ABTB3: variants seen among roughly 807,000 people sequenced by gnomAD.
ABTB3 encodes the protein ankyrin repeat- and BTB/POZ domain-containing protein 3.
the ABTB3 span, among the ~76,000 whole-genome samples, chr12:107,344,074 T>C: frequency 6.6e-6 from 1 of 152,162 alleles, no homozygotes; most frequent in Non-Finnish European, 1.5e-5. Context: ...ACACATGGAT[T>C]CCAGTCTCAA....
At chr12:107,482,992 CCT>C in the ABTB3 span, among the ~76,000 whole-genome samples, 1 of 75,570 alleles carries the variant, frequency 1.3e-5, no homozygotes, top group Admixed American at 1.3e-4. Context: ...TTCTTTCCTT[CCT>C]TCCTTCCTTC....
chr12:107,593,246 C>T, the ABTB3 span, among the ~76,000 whole-genome samples: 1 of 152,126 alleles, frequency 6.6e-6, no homozygotes, highest in African/African-American at 2.4e-5. Context: ...AGCTGCTTTC[C>T]CACTACAGTG....
At chr12:107,328,833 A>G in the ABTB3 span, among the ~76,000 whole-genome samples, 1 of 152,330 alleles carries the variant, frequency 6.6e-6, no homozygotes, top group East Asian at 1.9e-4. Context: ...AGAAGGACTC[A>G]AGTGCAGCCT....
At chr12:107,521,480 G>C in the ABTB3 span, among the ~76,000 whole-genome samples, 11 of 152,102 alleles carry the variant, frequency 7.2e-5, no homozygotes, top group African/African-American at 2.7e-4. Flanking sequence ...TTTCACAAGA[G>C]GGTTTGCCAA....
chr12:107,367,331 A>G, the ABTB3 span, among the ~76,000 whole-genome samples: 1 of 152,190 alleles, frequency 6.6e-6, no homozygotes. Flanking sequence ...AGAGTTTAAA[A>G]TGCATACTGA....
chr12:107,454,841 A>C, the ABTB3 span, among the ~76,000 whole-genome samples: 23 of 152,332 alleles, frequency 1.5e-4, no homozygotes, highest in South Asian at 4.3e-3. Flanking sequence ...TATATTATAG[A>C]AAATAATAAT....
the ABTB3 span, among the ~76,000 whole-genome samples, chr12:107,326,180 C>G: frequency 1.3e-5 from 2 of 152,216 alleles, no homozygotes; most frequent in Admixed American, 1.3e-4. Flanking sequence ...GCTGGGATTA[C>G]AGGCATGAGC....
the ABTB3 span, among the ~76,000 whole-genome samples, chr12:107,411,452 T>C: frequency 6.6e-6 from 1 of 152,256 alleles, no homozygotes; most frequent in Admixed American, 6.5e-5. Context: ...CTGAAATTTA[T>C]GTAAGGCACC....
chr12:107,649,344 C>T, the ABTB3 span: 2 of 1,402,226 alleles, frequency 1.4e-6, no homozygotes, highest in Non-Finnish European at 2.0e-6. Context: ...AAACTCGGGT[C>T]ACCAGCCTGC....
At chr12:107,636,581 G>T in the ABTB3 span, among the ~76,000 whole-genome samples, 1 of 152,192 alleles carries the variant, frequency 6.6e-6, no homozygotes, top group Non-Finnish European at 1.5e-5. Context: ...TGAATAACTT[G>T]TTAATTTAAA....
At chr12:107,373,169 T>C in the ABTB3 span, among the ~76,000 whole-genome samples, 1 of 152,282 alleles carries the variant, frequency 6.6e-6, no homozygotes, top group South Asian at 2.1e-4. Context: ...AACACAAATA[T>C]GTGTTGGAAG....
At chr12:107,644,522 G>A in the ABTB3 span, among the ~76,000 whole-genome samples, 1 of 152,146 alleles carries the variant, frequency 6.6e-6, no homozygotes, top group Admixed American at 6.5e-5. Flanking sequence ...CCTGGAGAAG[G>A]GTGGGGTGCT....
chr12:107,500,042 A>G, the ABTB3 span, among the ~76,000 whole-genome samples: 1 of 152,192 alleles, frequency 6.6e-6, no homozygotes, highest in African/African-American at 2.4e-5. Flanking sequence ...TCATGAGAAC[A>G]GCATGGGAGA....
chr12:107,342,353 G>A, the ABTB3 span, among the ~76,000 whole-genome samples: 1 of 152,108 alleles, frequency 6.6e-6, no homozygotes, highest in African/African-American at 2.4e-5. Flanking sequence ...GAGCTGAGGT[G>A]TAGTTGGCTT....
chr12:107,441,774 C>CAAAAAAA, the ABTB3 span, among the ~76,000 whole-genome samples: 103 of 80,032 alleles, frequency 1.3e-3, 4 homozygotes, highest in African/African-American at 5.2e-3. Flanking sequence ...CTTGTCTCTA[C>CAAAAAAA]AAAAAAAAAA....
chr12:107,422,973 T>C, the ABTB3 span, among the ~76,000 whole-genome samples: 1 of 152,258 alleles, frequency 6.6e-6, no homozygotes, highest in Non-Finnish European at 1.5e-5. Flanking sequence ...TCTTCCTCTA[T>C]AGTTTCAACA....
the ABTB3 span, among the ~76,000 whole-genome samples, chr12:107,334,886 G>T: frequency 6.6e-6 from 1 of 152,078 alleles, no homozygotes; most frequent in Non-Finnish European, 1.5e-5. Flanking sequence ...GGAGGAAGTG[G>T]TCCCTTGCAT....
the ABTB3 span, among the ~76,000 whole-genome samples, chr12:107,379,415 C>T: frequency 8.5e-5 from 13 of 152,158 alleles, no homozygotes; most frequent in South Asian, 2.1e-4. Context: ...AGAAGTCTCA[C>T]GAGATCTGAT....
At chr12:107,544,300 ACCCGTG>A in the ABTB3 span, among the ~76,000 whole-genome samples, 1 of 151,972 alleles carries the variant, frequency 6.6e-6, no homozygotes, top group Non-Finnish European at 1.5e-5. Flanking sequence ...GATATCTTAG[ACCCGTG>A]TGGGGGTCCT....
Sources: gnomAD v4.1 joint callset for allele counts (sites outside exome capture counted in the v4.1 genomes callset) on GRCh38, gnomAD v4.1.1 for gene constraint, MANE v1.5 for transcripts, NCBI Gene and HGNC (gene_info 2026-07-23, HGNC 2026-07-21) for gene names.